VPS41: variants seen among roughly 807,000 people sequenced by gnomAD.
VPS41 encodes the protein vacuolar protein sorting-associated protein 41 homolog.
Under a neutral mutation model 130.9 loss-of-function variants are expected in VPS41, and 85 were observed. The ratio of observed to expected loss-of-function variants is 0.65; its 90% CI spans 0.55 to 0.78. The LOEUF is 0.78. Ranked by LOEUF, VPS41 falls within the 30% of genes least tolerant of loss-of-function variation. The pLI, the probability that VPS41 is intolerant of heterozygous loss-of-function variation, is 0.00. For synonymous variants in VPS41, 335 were observed against 332.9 expected (o/e 1.01, Z -0.07); for missense variants, 874 against 1,018.7 (o/e 0.86, Z 1.93).
chr7:38,880,708 G>A (rs1372351445), intron 2 of VPS41, among the ~76,000 whole-genome samples: 1 of 152,146 alleles, frequency 6.6e-6, no homozygotes, highest in Non-Finnish European at 1.5e-5. Context: ...ATTTAAAAAC[G>A]GCTGCACTGA....
At chr7:38,780,874 C>T (rs142755554) in intron 10 of VPS41, among the ~76,000 whole-genome samples, 249 of 152,144 alleles carry the variant, frequency 1.6e-3, no homozygotes, top group African/African-American at 3.0e-3. Flanking sequence ...ACTGTCCTCA[C>T]GACAGTGAGT....
chr7:38,878,213 G>GA (rs1014959550), intron 2 of VPS41, among the ~76,000 whole-genome samples: 12 of 149,296 alleles, frequency 8.0e-5, no homozygotes, highest in South Asian at 2.1e-4. Context: ...TAATAAACCA[G>GA]AAAAAAAAAT....
intron 1 of VPS41, among the ~76,000 whole-genome samples, chr7:38,903,281 C>G (rs978042129): frequency 2.6e-5 from 4 of 152,174 alleles, no homozygotes; most frequent in Non-Finnish European, 5.9e-5. Flanking sequence ...ATGACAATGG[C>G]CTGGGAGAAG....
intron 2 of VPS41, among the ~76,000 whole-genome samples, chr7:38,890,030 T>A (rs993728147): frequency 2.0e-5 from 3 of 152,142 alleles, no homozygotes; most frequent in African/African-American, 7.2e-5. Context: ...TATATTTCAA[T>A]ACCTAGAGCA....
intron 2 of VPS41, among the ~76,000 whole-genome samples, chr7:38,885,788 T>A (rs1479756067): frequency 2.0e-5 from 3 of 152,194 alleles, no homozygotes; most frequent in Admixed American, 2.0e-4. Context: ...AACAAGTAAC[T>A]ATAAATTCTC....
chr7:38,801,334 G>A (rs1784721745), intron 7 of VPS41, among the ~76,000 whole-genome samples: 1 of 152,108 alleles, frequency 6.6e-6, no homozygotes, highest in South Asian at 2.1e-4. Flanking sequence ...AAAAATGGAG[G>A]GGGGCTAAAA....
chr7:38,892,804 G>A (rs545599583), intron 2 of VPS41, among the ~76,000 whole-genome samples: 3 of 152,170 alleles, frequency 2.0e-5, no homozygotes, highest in African/African-American at 7.2e-5. Context: ...TGTTTATACT[G>A]GACTCATTTT....
intron 2 of VPS41, among the ~76,000 whole-genome samples, chr7:38,872,891 T>C (rs1375193892): frequency 6.6e-6 from 1 of 152,216 alleles, no homozygotes; most frequent in Non-Finnish European, 1.5e-5. Flanking sequence ...AGTAAACATG[T>C]TAAATACAAA....
intron 5 of VPS41, among the ~76,000 whole-genome samples, chr7:38,821,772 C>T (rs1785177700): frequency 6.6e-6 from 1 of 151,488 alleles, no homozygotes; most frequent in South Asian, 2.1e-4. Context: ...GTTGAGGGTA[C>T]TTTGCTGCAA....
At chr7:38,898,553 G>A (rs1787066050) in intron 1 of VPS41, among the ~76,000 whole-genome samples, 1 of 152,176 alleles carries the variant, frequency 6.6e-6, no homozygotes, top group Non-Finnish European at 1.5e-5. Context: ...ATCTGGTTGA[G>A]TTAAAATGAC....
At chr7:38,772,880 G>C (rs1045025156) in intron 12 of VPS41, among the ~76,000 whole-genome samples, 13 of 151,712 alleles carry the variant, frequency 8.6e-5, no homozygotes, top group African/African-American at 3.2e-4. Flanking sequence ...GCAAGAGAGG[G>C]AAGGAGAAGG....
chr7:38,808,295 T>C (rs556982843), intron 7 of VPS41, among the ~76,000 whole-genome samples: 1 of 152,370 alleles, frequency 6.6e-6, no homozygotes, highest in South Asian at 2.1e-4. Context: ...TAGCTTAGTA[T>C]ACATAGGAAA....
rs1795472548 is a variant in VPS41, at chr7:38,723,219, T to C, written c.*3027A>G. The C allele has an allele frequency of 6.6e-6, 1 of 152,148 alleles. No homozygotes were observed. The highest frequency in any genetic ancestry group is 2.4e-5 in the African/African-American group (1 of 41,418). The allele number at this position is 152,148 out of a possible 1,614,324, so 9.4% of individuals were successfully genotyped here. ...AGAAGAAAATCCATGTATAAGTGGA[T>C]CCTTGCAGTTCCAACCTGTGTTGTT... On this transcript the variant is annotated 3_prime_UTR_variant, in exon 29 of 29. Coordinates refer to ENST00000310301, the MANE Select transcript of VPS41 (RefSeq NM_014396.4).
chr7:38,878,621 AAGACTGAGTATTAGGAAAT>A (rs1454545636), intron 2 of VPS41, among the ~76,000 whole-genome samples: 1 of 152,210 alleles, frequency 6.6e-6, no homozygotes, highest in African/African-American at 2.4e-5. Flanking sequence ...CAAAAACACA[AAGACTGAGTATTAGGAAAT>A]CTGACGTCAT....
At chr7:38,832,449 G>A (rs2116182346) in intron 4 of VPS41, among the ~76,000 whole-genome samples, 1 of 151,492 alleles carries the variant, frequency 6.6e-6, no homozygotes, top group East Asian at 1.9e-4. Flanking sequence ...CTCCCGAGTA[G>A]CTGGGATTAC....
chr7:38,757,255 C>G (rs540686551), intron 18 of VPS41, among the ~76,000 whole-genome samples: 72 of 152,216 alleles, frequency 4.7e-4, no homozygotes, highest in African/African-American at 1.6e-3. Flanking sequence ...GGGTCTCAGT[C>G]TCAAAAGTTT....
chr7:38,802,074 C>A (rs1266296792), intron 7 of VPS41, among the ~76,000 whole-genome samples: 1 of 152,360 alleles, frequency 6.6e-6, no homozygotes, highest in African/African-American at 2.4e-5. Flanking sequence ...GTCTATTTCC[C>A]TTTGCTGAAG....
At chr7:38,835,499 T>C (rs1785473723) in intron 4 of VPS41, among the ~76,000 whole-genome samples, 1 of 152,006 alleles carries the variant, frequency 6.6e-6, no homozygotes. Flanking sequence ...GGTGATGTTG[T>C]ATTTGCCCAT....
At chr7:38,844,099 A>G (rs1785672541) in intron 4 of VPS41, among the ~76,000 whole-genome samples, 1 of 152,256 alleles carries the variant, frequency 6.6e-6, no homozygotes, top group African/African-American at 2.4e-5. Context: ...TGCTATTTTA[A>G]TAATATGAAA....
Sources: gnomAD v4.1 joint callset for allele counts (sites outside exome capture counted in the v4.1 genomes callset) on GRCh38, gnomAD v4.1.1 for gene constraint, MANE v1.5 for transcripts, NCBI Gene and HGNC (gene_info 2026-07-23, HGNC 2026-07-21) for gene names.